Variants in AGBL1 observed in about 807,000 individuals in gnomAD.
AGBL1 encodes the protein AGBL carboxypeptidase 1.
In AGBL1, 130 loss-of-function variants were observed where a neutral mutation model predicts 118.9. The observed-to-expected ratio is 1.09, with a 90% CI of 0.95 to 1.26. The LOEUF (loss-of-function observed/expected upper bound fraction) is 1.26, where lower values mean the gene tolerates loss of function less well. Among genes scored for constraint, AGBL1 ranks in the 50% most tolerant of loss-of-function variants. The pLI, the probability that AGBL1 is intolerant of heterozygous loss-of-function variation, is 0.00. For synonymous variants in AGBL1, 555 were observed against 478.9 expected (o/e 1.16, Z -2.08); for missense variants, 1,584 against 1,298.1 (o/e 1.22, Z -3.38).
chr15:86,200,646 C>T (rs997200022), intron 5 of AGBL1, among the ~76,000 whole-genome samples: 1 of 136,694 alleles, frequency 7.3e-6, no homozygotes, highest in Non-Finnish European at 1.5e-5. Flanking sequence ...GATGGAGTCT[C>T]GCTCTTGTCA....
intron 17 of AGBL1, among the ~76,000 whole-genome samples, chr15:86,327,466 A>G (rs759488288): frequency 1.3e-5 from 2 of 152,228 alleles, no homozygotes; most frequent in African/African-American, 4.8e-5. Flanking sequence ...TGGATGTAGA[A>G]ATTTTGGTCT....
At chr15:86,935,920 TAAAAAC>T (rs1458528001) in intron 23 of AGBL1, among the ~76,000 whole-genome samples, 1 of 152,202 alleles carries the variant, frequency 6.6e-6, no homozygotes, top group African/African-American at 2.4e-5. Flanking sequence ...AGTTTACAAA[TAAAAAC>T]AAAAGATTCG....
At chr15:86,240,026 G>A (rs1251971757) in intron 6 of AGBL1, among the ~76,000 whole-genome samples, 1 of 152,122 alleles carries the variant, frequency 6.6e-6, no homozygotes, top group Admixed American at 6.5e-5. Context: ...GAGCTTTGAG[G>A]CTACCATGGG....
chr15:86,918,791 C>T (rs2080455849), downstream of AGBL1, among the ~76,000 whole-genome samples: 1 of 152,170 alleles, frequency 6.6e-6, no homozygotes, highest in Non-Finnish European at 1.5e-5. Context: ...TTCAGAGCAA[C>T]ATTTTTAAAG....
intron 22 of AGBL1, among the ~76,000 whole-genome samples, chr15:86,827,384 CACAT>C (rs2079031992): frequency 5.5e-4 from 6 of 10,838 alleles, no homozygotes; most frequent in African/African-American, 1.4e-3. Context: ...TATATATATA[CACAT>C]ATATATATAC....
chr15:86,902,050 A>G (rs1328610416), intron 22 of AGBL1, among the ~76,000 whole-genome samples: 3 of 152,158 alleles, frequency 2.0e-5, no homozygotes, highest in East Asian at 3.8e-4. Flanking sequence ...GGTTTGGGCT[A>G]TTACAAATCA....
intron 21 of AGBL1, among the ~76,000 whole-genome samples, chr15:86,617,139 C>A (rs114835131): frequency 0.017 from 2,647 of 152,284 alleles, 68 homozygotes; most frequent in African/African-American, 0.058. Context: ...CCCCTTTGAT[C>A]TGTGATTTCT....
intron 21 of AGBL1, among the ~76,000 whole-genome samples, chr15:86,672,545 C>T (rs904435490): frequency 7.9e-5 from 12 of 152,170 alleles, no homozygotes; most frequent in African/African-American, 2.9e-4. Flanking sequence ...CATTCCCCTT[C>T]TCGCCTCCCC....
chr15:86,436,084 CCTCTCTT>C (rs1164324766), intron 18 of AGBL1, among the ~76,000 whole-genome samples: 2 of 128,794 alleles, frequency 1.6e-5, no homozygotes, highest in African/African-American at 6.6e-5. Flanking sequence ...CAATCCCTTT[CCTCTCTT>C]TTTTTTTTTT....
chr15:86,828,398 C>G (rs1293850840), intron 22 of AGBL1, among the ~76,000 whole-genome samples: 6 of 147,758 alleles, frequency 4.1e-5, no homozygotes, highest in Non-Finnish European at 9.0e-5. Flanking sequence ...TGTAGAATCT[C>G]GAGATGGGAA....
intron 18 of AGBL1, among the ~76,000 whole-genome samples, chr15:86,465,083 G>C (rs1032888264): frequency 2.0e-5 from 3 of 152,086 alleles, no homozygotes; most frequent in Non-Finnish European, 4.4e-5. Context: ...CAGGGAATCC[G>C]AACGGAGGGA....
chr15:86,148,426 C>G (rs189330758), intron 3 of AGBL1, among the ~76,000 whole-genome samples: 1 of 152,158 alleles, frequency 6.6e-6, no homozygotes, highest in East Asian at 1.9e-4. Context: ...GTGGAGGAGA[C>G]CTTAAATGAC....
chr15:86,556,785 C>T (rs2083740821), intron 21 of AGBL1, among the ~76,000 whole-genome samples: 1 of 152,148 alleles, frequency 6.6e-6, no homozygotes, highest in Admixed American at 6.5e-5. Flanking sequence ...TACCATTTAT[C>T]CAAAAGATGG....
intron 5 of AGBL1, among the ~76,000 whole-genome samples, chr15:86,173,441 G>A (rs751474613): frequency 9.2e-5 from 14 of 151,642 alleles, no homozygotes; most frequent in African/African-American, 2.2e-4. Context: ...AAGCTTTTTC[G>A]TTTAATGTAG....
At chr15:86,392,629 C>T (rs1329788134) in intron 17 of AGBL1, among the ~76,000 whole-genome samples, 1 of 152,178 alleles carries the variant, frequency 6.6e-6, no homozygotes, top group Admixed American at 6.5e-5. Flanking sequence ...TTTATCATCA[C>T]ACATGTCTTC....
At chr15:86,315,592 C>A (rs550183078) in intron 17 of AGBL1, among the ~76,000 whole-genome samples, 4 of 151,840 alleles carry the variant, frequency 2.6e-5, no homozygotes, top group Non-Finnish European at 4.4e-5. Flanking sequence ...GTGGTGCGCG[C>A]CTGTAGTCCC....
chr15:87,009,285 G>C (rs1282065569), intron 24 of AGBL1, among the ~76,000 whole-genome samples: 1 of 152,168 alleles, frequency 6.6e-6, no homozygotes, highest in Non-Finnish European at 1.5e-5. Flanking sequence ...CCAATGTACA[G>C]CTCGGGCTAT....
intron 21 of AGBL1, among the ~76,000 whole-genome samples, chr15:86,611,590 C>T (rs987904532): frequency 6.6e-6 from 1 of 152,148 alleles, no homozygotes; most frequent in South Asian, 2.1e-4. Context: ...GAATTGCATC[C>T]TGTTGCAATT....
intron 22 of AGBL1, among the ~76,000 whole-genome samples, chr15:86,722,652 C>G (rs1469725972): frequency 2.0e-5 from 3 of 152,186 alleles, no homozygotes; most frequent in Admixed American, 6.5e-5. Context: ...CCAAAATTGA[C>G]AAATGGGATC....
Sources: gnomAD v4.1 joint callset for allele counts (sites outside exome capture counted in the v4.1 genomes callset) on GRCh38, gnomAD v4.1.1 for gene constraint, MANE v1.5 for transcripts, NCBI Gene and HGNC (gene_info 2026-07-23, HGNC 2026-07-21) for gene names.